ZHX3: variants seen among roughly 807,000 people sequenced by gnomAD.
ZHX3 encodes the protein zinc fingers and homeoboxes 3, also known as zinc fingers and homeoboxes protein 3.
Under a neutral mutation model 64.5 loss-of-function variants are expected in ZHX3, and 20 were observed. The ratio of observed to expected loss-of-function variants is 0.31; its 90% CI spans 0.22 to 0.45. The LOEUF is 0.45. Ranked by LOEUF, ZHX3 falls within the 20% of genes least tolerant of loss-of-function variation. The probability of loss-of-function intolerance (pLI) is 1.00; values close to 1 mark genes in which losing one functional copy is unlikely to be tolerated. For missense variants in ZHX3, 1,041 were observed against 1,195.8 expected (o/e 0.87, Z 1.91); for synonymous variants, 423 against 461.6 (o/e 0.92, Z 1.07).
chr20:41,266,543 CTTTCTT>C (rs1465296651), intron 2 of ZHX3, among the ~76,000 whole-genome samples: 16 of 132,344 alleles, frequency 1.2e-4, no homozygotes, highest in African/African-American at 4.6e-4. Flanking sequence ...ATCTCCCAAT[CTTTCTT>C]TTTTTTTTTT....
chr20:41,243,381 A>T (rs2041505058), intron 2 of ZHX3, among the ~76,000 whole-genome samples: 2 of 152,202 alleles, frequency 1.3e-5, no homozygotes. Flanking sequence ...GCCAATTATT[A>T]TCAGGGTCAC....
At chr20:41,317,358 G>A (rs1207327775) in intron 1 of ZHX3, among the ~76,000 whole-genome samples, 151 bp downstream of exon 1, 1 of 152,134 alleles carries the variant, frequency 6.6e-6, no homozygotes, top group Non-Finnish European at 1.5e-5. Context: ...GGCGGGAGGG[G>A]GCTGACTGAG....
At chr20:41,257,597 T>G (rs1337352119) in intron 2 of ZHX3, among the ~76,000 whole-genome samples, 2 of 151,858 alleles carry the variant, frequency 1.3e-5, no homozygotes, top group East Asian at 3.9e-4. Flanking sequence ...TGTCAGGATT[T>G]GTTTTCTTTT....
At chr20:41,277,584 T>C (rs1050165168) in intron 1 of ZHX3, among the ~76,000 whole-genome samples, 6 of 146,726 alleles carry the variant, frequency 4.1e-5, no homozygotes, top group Non-Finnish European at 7.4e-5. Flanking sequence ...CTACCCTCCA[T>C]GTTAATTTTT....
chr20:41,196,906 A>G (rs2037757553), intron 3 of ZHX3: 1 of 169,048 alleles, frequency 5.9e-6, no homozygotes, highest in South Asian at 1.6e-4. Flanking sequence ...CTTGACCACT[A>G]TGCCATCATC....
At chr20:41,248,499 A>T (rs1459530940) in intron 2 of ZHX3, among the ~76,000 whole-genome samples, 1 of 152,230 alleles carries the variant, frequency 6.6e-6, no homozygotes, top group Non-Finnish European at 1.5e-5. Context: ...CAACACAGTC[A>T]AGAGGACTGA....
intron 1 of ZHX3, among the ~76,000 whole-genome samples, chr20:41,271,418 A>G (rs747240879): frequency 7.9e-5 from 12 of 152,224 alleles, no homozygotes; most frequent in Non-Finnish European, 1.8e-4. Flanking sequence ...TACTCAACCA[A>G]GGCATTAGAG....
rs753959891 is a variant in ZHX3, at chr20:41,202,115, G to C, written c.2802C>G (p.Val934=). 1 of 1,613,824 alleles carries C rather than the reference G, an allele frequency of 6.2e-7. No individual in the cohort carries two copies. The highest frequency in any genetic ancestry group is 8.5e-7 in the Non-Finnish European group (1 of 1,179,876). The stretch of plus-strand genomic sequence containing the variant: ...CAAAGGGCTCTGAGCTGGCCTCAGG[G>C]ACACGGGGCTCCCACGACTCACTGT... ...SENSESWEPR[V]PEASSEPFDT... Residue 934 remains valine (V), a synonymous_variant, in exon 3 of 4, where the codon GTC becomes GTG. Transcript: ENST00000683867. The surrounding 1 kb of genome is among the most constrained non-coding windows in gnomAD (Gnocchi z 7.0).
chr20:41,203,311 T>G lies in ZHX3; in HGVS notation c.1606A>C (p.Arg536=). The G allele has an allele frequency of 6.2e-7, 1 of 1,614,174 alleles. No individual in the cohort carries two copies. The highest frequency in any genetic ancestry group is 8.5e-7 in the Non-Finnish European group (1 of 1,180,014). Residue 536 remains arginine (R), a synonymous_variant, in exon 3 of 4, where the codon AGA becomes CGA. Coordinates refer to ENST00000683867, the MANE Select transcript of ZHX3 (RefSeq NM_001384317.1). This position sits in a 1 kb window ranked among gnomAD's most constrained non-coding sequence, Gnocchi z 7.1. ...TCACTGAACCATTTCCGCACCTCTC[T>G]GGTACTGAGGCCCGTCACTTTTGTG... ...HLTKVTGLST[R]EVRKWFSDRR...
intron 2 of ZHX3, among the ~76,000 whole-genome samples, chr20:41,227,272 A>C (rs1420506194): frequency 6.6e-6 from 1 of 152,228 alleles, no homozygotes; most frequent in Non-Finnish European, 1.5e-5. Flanking sequence ...TCTGTCTTTG[A>C]GAAACCTTAG....
rs2054257161 is a variant in ZHX3, at chr20:41,180,374, C to T, written c.*4817G>A. ...GGGGGTGCTTTCCCCTGTCCTTGTC[C>T]ATATGGTAACCAGGGTCTGCCTAGT... On this transcript the variant is annotated 3_prime_UTR_variant, in exon 4 of 4. Coordinates refer to ENST00000683867, the MANE Select transcript of ZHX3 (RefSeq NM_001384317.1). The T allele has an allele frequency of 6.6e-6, 1 of 152,402 alleles. No homozygotes were observed. Among genetic ancestry groups the T allele is most frequent in the Non-Finnish European group, 1.5e-5 (1 of 68,078 alleles). 9.4% of individuals were successfully genotyped at this position (152,402 alleles called of 1,614,324 possible).
chr20:41,279,671 C>G (rs2043573152), intron 1 of ZHX3, among the ~76,000 whole-genome samples: 1 of 152,052 alleles, frequency 6.6e-6, no homozygotes, highest in South Asian at 2.1e-4. Context: ...GTAATAAGTT[C>G]ACAGCAGCAC....
intron 2 of ZHX3, among the ~76,000 whole-genome samples, chr20:41,243,293 T>TA (rs2041499100): frequency 6.6e-6 from 1 of 152,228 alleles, no homozygotes. Flanking sequence ...TCAAGAAGTG[T>TA]AATTACCTGA....
At chr20:41,193,402 C>A (rs1231734758) in intron 3 of ZHX3, among the ~76,000 whole-genome samples, 1 of 152,068 alleles carries the variant, frequency 6.6e-6, no homozygotes, top group African/African-American at 2.4e-5. Context: ...AGCACTTTTT[C>A]TTTTTGATGC....
chr20:41,190,592 ATT>A (rs2036932960), intron 3 of ZHX3, among the ~76,000 whole-genome samples: 1 of 152,046 alleles, frequency 6.6e-6, no homozygotes, highest in Non-Finnish European at 1.5e-5. Flanking sequence ...TAGTGGTAGC[ATT>A]TGAGTCTTTT....
Position 41,201,438 on chromosome 20 carries a change from T to C in ZHX3, c.2860+619A>G. The C allele has an allele frequency of 8.1e-7, 1 of 1,229,970 alleles. No individual in the cohort carries two copies. 76.2% of individuals were successfully genotyped at this position (1,229,970 alleles called of 1,614,324 possible). ...TTGTCTGTGGCTTCAAAACTATGTC[T>C]TAAATAAAAATAATCTTCTATGATA... On this transcript the variant is annotated intron_variant, in intron 3 of 3. Coordinates refer to ENST00000683867, the MANE Select transcript of ZHX3 (RefSeq NM_001384317.1). This position sits in a 1 kb window ranked among gnomAD's most constrained non-coding sequence, Gnocchi z 5.0.
In ZHX3 at chr20:41,209,326, T is replaced by C. The variant is rs374175280; in HGVS notation, c.-150-4260A>G. 7.2e-5 allele frequency among the ~76,000 whole-genome samples: 11 copies of C among 152,234 alleles called. No individual in the cohort carries two copies. The East Asian group carries it at 2.1e-3, about 29-fold the overall frequency. ...GCTACCAATGACTTTCTTCACAGAATTGGAAAAAACTACTTTAAAGGTCAT... is the reference window on the plus strand; with the variant it reads ...GCTACCAATGACTTTCTTCACAGAACTGGAAAAAACTACTTTAAAGGTCAT... On this transcript the variant is annotated intron_variant, in intron 2 of 3. Coordinates refer to ENST00000683867, the MANE Select transcript of ZHX3 (RefSeq NM_001384317.1).
chr20:41,243,244 G>A (rs922072489), intron 2 of ZHX3, among the ~76,000 whole-genome samples: 1 of 152,212 alleles, frequency 6.6e-6, no homozygotes, highest in African/African-American at 2.4e-5. Context: ...TGAATAGGAT[G>A]TGCTACCAGC....
intron 1 of ZHX3, among the ~76,000 whole-genome samples, chr20:41,309,312 G>A (rs764588680): frequency 2.0e-5 from 3 of 152,150 alleles, no homozygotes; most frequent in Non-Finnish European, 4.4e-5. Flanking sequence ...GCTTCCAGAT[G>A]CCATGTTCTT....
Sources: allele counts gnomAD v4.1 joint callset (sites outside exome capture counted in the v4.1 genomes callset), GRCh38; gene constraint gnomAD v4.1.1; non-coding constraint Gnocchi (gnomAD v3.1); transcripts MANE v1.5; gene names NCBI Gene and HGNC (gene_info 2026-07-23, HGNC 2026-07-21).